MIS18BP1: variants seen among roughly 807,000 people sequenced by gnomAD.
MIS18BP1 encodes mis18-binding protein 1.
A neutral mutation model predicts 116.1 loss-of-function variants in MIS18BP1; 72 were observed. The observed-to-expected ratio is 0.62, with a 90% CI of 0.51 to 0.75. MIS18BP1 has a LOEUF of 0.75. MIS18BP1 is among the 30% of genes least tolerant of loss of function. The pLI, the probability that MIS18BP1 is intolerant of heterozygous loss-of-function variation, is 0.00. For synonymous variants in MIS18BP1, 386 were observed against 427.0 expected (o/e 0.90, Z 1.18); for missense variants, 1,363 against 1,303.2 (o/e 1.05, Z -0.71).
At position 45,216,135 on chromosome 14, in the gene MIS18BP1, TTTTTTGCTATGAAGA is replaced by T. The variant is rs1890812106; in HGVS notation, c.3003+869_3003+883del. On this transcript the variant is annotated intron_variant, in intron 13 of 16. Transcript: ENST00000310806. Reference sequence around the variant, plus strand: ...TATTGGATATACAGATTGTTTCCAGTTTTTTGCTATGAAGATAAAACTGCAATAAGTATCTTGCAA... The same window carrying T: ...TATTGGATATACAGATTGTTTCCAGTTAAAACTGCAATAAGTATCTTGCAA... Among the ~76,000 whole-genome samples the T allele has an allele frequency of 2.0e-5, 3 of 152,322 alleles. No individual in the cohort carries two copies. The South Asian group carries it at 6.2e-4, about 32-fold the overall frequency.
intron 2 of MIS18BP1, among the ~76,000 whole-genome samples, chr14:45,243,775 A>G (rs755118808): frequency 2.6e-4 from 39 of 152,148 alleles, no homozygotes; most frequent in Non-Finnish European, 5.9e-5. Flanking sequence ...ATCAAATGCA[A>G]TAAGTTATAT....
chr14:45,231,607 G>A (rs891863100), intron 7 of MIS18BP1, among the ~76,000 whole-genome samples: 1 of 152,200 alleles, frequency 6.6e-6, no homozygotes, highest in African/African-American at 2.4e-5. Context: ...GCCTGTTTTT[G>A]TAAATGAAGT....
chr14:45,228,366 T>C (rs1166840174), intron 8 of MIS18BP1, among the ~76,000 whole-genome samples: 1 of 152,230 alleles, frequency 6.6e-6, no homozygotes, highest in Admixed American at 6.5e-5. Flanking sequence ...TGGATCTCCT[T>C]TGTCACATCT....
chr14:45,212,507 T>G (rs1254926042), intron 13 of MIS18BP1, among the ~76,000 whole-genome samples: 1 of 152,186 alleles, frequency 6.6e-6, no homozygotes, highest in African/African-American at 2.4e-5. Flanking sequence ...GTCAGGTGGT[T>G]GTTAACTGTG....
intron 2 of MIS18BP1, 39 bp downstream of exon 2, chr14:45,246,702 CTT>C: frequency 6.6e-7 from 1 of 1,512,106 alleles, no homozygotes; most frequent in Non-Finnish European, 8.8e-7. Flanking sequence ...ACATTAAACA[CTT>C]AAGACATTAC....
At chr14:45,215,809 A>G (rs1426212380) in intron 13 of MIS18BP1, among the ~76,000 whole-genome samples, 1 of 150,858 alleles carries the variant, frequency 6.6e-6, no homozygotes, top group Non-Finnish European at 1.5e-5. Context: ...GGTTCATGCT[A>G]TTCTCCTGCC....
chr14:45,230,722 C>T (rs552958410), intron 8 of MIS18BP1, among the ~76,000 whole-genome samples: 3 of 152,234 alleles, frequency 2.0e-5, no homozygotes, highest in Admixed American at 6.5e-5. Context: ...TGAGCTCAAG[C>T]GATCCTCCCA....
chr14:45,204,809 A>T (rs1402228777), intron 15 of MIS18BP1, among the ~76,000 whole-genome samples: 1 of 152,050 alleles, frequency 6.6e-6, no homozygotes, highest in Admixed American at 6.6e-5. Flanking sequence ...ATATAAACAC[A>T]ATTTATCATG....
At chr14:45,232,473 C>T in intron 7 of MIS18BP1, 1 of 317,546 alleles carries the variant, frequency 3.1e-6, no homozygotes, top group South Asian at 3.4e-5. Flanking sequence ...AAACAAATAC[C>T]TAAAACAGGT....
intron 10 of MIS18BP1, 24 bp downstream of exon 10, chr14:45,226,719 A>G: frequency 1.5e-6 from 2 of 1,328,264 alleles, no homozygotes; most frequent in South Asian, 1.6e-5. Context: ...GCTTATGATT[A>G]AAAAACCATT....
At chr14:45,232,309 C>T (rs920621434) in intron 7 of MIS18BP1, among the ~76,000 whole-genome samples, 6 of 147,262 alleles carry the variant, frequency 4.1e-5, no homozygotes, top group African/African-American at 7.5e-5. Flanking sequence ...CCCAGCTACT[C>T]GGGAGGCTGA....
chr14:45,212,441 T>A (rs138485214), intron 13 of MIS18BP1, among the ~76,000 whole-genome samples: 28 of 152,248 alleles, frequency 1.8e-4, no homozygotes, highest in African/African-American at 6.5e-4. Flanking sequence ...AAGCAAGGAA[T>A]GAGAGGGCCT....
intron 14 of MIS18BP1, among the ~76,000 whole-genome samples, chr14:45,206,963 T>C (rs1890535732): frequency 6.6e-6 from 1 of 152,222 alleles, no homozygotes; most frequent in Non-Finnish European, 1.5e-5. Context: ...CTAATCCAGC[T>C]CATCAAGCCT....
intron 11 of MIS18BP1, 26 bp from the exon 12 acceptor site, chr14:45,218,480 G>T: frequency 6.4e-7 from 1 of 1,568,774 alleles, no homozygotes; most frequent in Non-Finnish European, 8.6e-7. Context: ...ACCAATTAAA[G>T]AATAAGAAAT....
intron 7 of MIS18BP1, among the ~76,000 whole-genome samples, chr14:45,232,320 G>A (rs1240204813): frequency 1.3e-5 from 2 of 151,368 alleles, no homozygotes; most frequent in Admixed American, 1.3e-4. Context: ...GGGAGGCTGA[G>A]GCAGGAGAAT....
intron 6 of MIS18BP1, among the ~76,000 whole-genome samples, chr14:45,233,755 G>A (rs1261701070): frequency 6.6e-6 from 1 of 152,146 alleles, no homozygotes; most frequent in Non-Finnish European, 1.5e-5. Context: ...GAAAGATGGG[G>A]AAGAATATAG....
chr14:45,206,178 A>G lies in MIS18BP1; in HGVS notation c.3153-8T>C, dbSNP rs1178025288. On this transcript the variant is annotated splice_polypyrimidine_tract_variant and splice_region_variant and intron_variant, in intron 14 of 16. Coordinates refer to ENST00000310806, the MANE Select transcript of MIS18BP1 (RefSeq NM_018353.5). ...TATTTATCACAGTCATTCCTGTTTG[A>G]ATACGAAATAATTTTAAGTCAACAA... is the stretch of plus-strand genomic sequence containing the variant. 6.5e-7 allele frequency: 1 copy of G among 1,548,006 alleles called. No homozygotes were observed. Among genetic ancestry groups the G allele is most frequent in the South Asian group, 1.2e-5 (1 of 86,372 alleles).
At chr14:45,221,438 A>G (rs970871285) in intron 11 of MIS18BP1, among the ~76,000 whole-genome samples, 1 of 151,836 alleles carries the variant, frequency 6.6e-6, no homozygotes, top group Non-Finnish European at 1.5e-5. Context: ...CTCCGTCTCA[A>G]AAATAAATAA....
intron 4 of MIS18BP1, among the ~76,000 whole-genome samples, chr14:45,239,028 C>T (rs369313511): frequency 1.3e-5 from 2 of 152,004 alleles, no homozygotes; most frequent in South Asian, 2.1e-4. Context: ...TTTTTGCCTT[C>T]TCCCACATTT....
Sources: allele counts gnomAD v4.1 joint callset (sites outside exome capture counted in the v4.1 genomes callset), GRCh38; gene constraint gnomAD v4.1.1; transcripts MANE v1.5; gene names NCBI Gene and HGNC (gene_info 2026-07-23, HGNC 2026-07-21).